GHR: variants seen among roughly 807,000 people sequenced by gnomAD.
GHR encodes the protein GH receptor.
Under a neutral mutation model 67.1 loss-of-function variants are expected in GHR, and 35 were observed. The observed-to-expected ratio is 0.52, with a 90% CI of 0.40 to 0.69. The LOEUF is 0.69. Among genes scored for constraint, GHR ranks in the 30% least tolerant of loss-of-function variants. The pLI is 0.00. For missense variants in GHR, 792 were observed against 764.6 expected (o/e 1.04, Z -0.42); for synonymous variants, 272 against 269.1 (o/e 1.01, Z -0.10).
At chr5:42,536,890 A>G (rs539325038) in intron 1 of GHR, among the ~76,000 whole-genome samples, 25 of 151,944 alleles carry the variant, frequency 1.6e-4, no homozygotes, top group Non-Finnish European at 3.4e-4. Flanking sequence ...TTAAGCTAGG[A>G]GAGTTGTATT....
intron 1 of GHR, among the ~76,000 whole-genome samples, chr5:42,450,387 C>T (rs1743995359): frequency 6.6e-6 from 1 of 152,084 alleles, no homozygotes; most frequent in Non-Finnish European, 1.5e-5. Flanking sequence ...TGTCCATCTC[C>T]TCTAGATTTT....
intron 1 of GHR, among the ~76,000 whole-genome samples, chr5:42,458,108 A>G (rs1744335448): frequency 6.6e-6 from 1 of 152,224 alleles, no homozygotes; most frequent in Non-Finnish European, 1.5e-5. Context: ...CTATCCATAG[A>G]GATTTTTCCA....
chr5:42,492,291 A>C (rs1412208175), intron 1 of GHR, among the ~76,000 whole-genome samples: 1 of 152,214 alleles, frequency 6.6e-6, no homozygotes, highest in Non-Finnish European at 1.5e-5. Context: ...GCTAATACTG[A>C]GGAATGAGAA....
intron 1 of GHR, among the ~76,000 whole-genome samples, chr5:42,461,676 C>T (rs569627769): frequency 2.2e-4 from 33 of 152,326 alleles, no homozygotes; most frequent in African/African-American, 7.5e-4. Context: ...TTATCTTCCT[C>T]CCAATAGTCT....
At chr5:42,689,639 T>C (rs1272232038) in intron 4 of GHR, among the ~76,000 whole-genome samples, 1 of 151,962 alleles carries the variant, frequency 6.6e-6, no homozygotes, top group African/African-American at 2.4e-5. Flanking sequence ...CTTGGCATAT[T>C]TGAGGGATGA....
chr5:42,692,036 C>G (rs75395351), intron 4 of GHR, among the ~76,000 whole-genome samples: 2 of 152,168 alleles, frequency 1.3e-5, no homozygotes, highest in Non-Finnish European at 2.9e-5. Context: ...CTCTTCCATA[C>G]CCATTCAACC....
At position 42,552,846 on chromosome 5, in the gene GHR, T is replaced by C. The variant is rs1749108207; in HGVS notation, c.-11-13018T>C. Among the ~76,000 whole-genome samples, 10 of 152,308 alleles carry C rather than the reference T, an allele frequency of 6.6e-5. No homozygotes were observed. The South Asian group carries it at 2.1e-3, about 32-fold the overall frequency. On this transcript the variant is annotated intron_variant, in intron 1 of 9. Coordinates refer to ENST00000230882, the MANE Select transcript of GHR (RefSeq NM_000163.5). ...GCTTTGAGAAATTATTGCACCTGTC[T>C]CTGTGTTGGGACATTTTTTTGGTCC... is the stretch of plus-strand genomic sequence containing the variant.
intron 8 of GHR, 138 bp from the exon 9 acceptor site, chr5:42,717,914 C>T (rs1024544320): frequency 3.4e-6 from 2 of 595,926 alleles, no homozygotes; most frequent in Non-Finnish European, 6.1e-6. Context: ...TCTTCTGTTT[C>T]TCACACTCCA....
intron 3 of GHR, among the ~76,000 whole-genome samples, chr5:42,670,158 T>A (rs576293325): frequency 6.6e-6 from 1 of 152,326 alleles, no homozygotes; most frequent in East Asian, 1.9e-4. Flanking sequence ...AGCATGCTAC[T>A]GGCATTAAAA....
At chr5:42,579,197 T>TAGATAGAC (rs1360691114) in intron 2 of GHR, among the ~76,000 whole-genome samples, 4 of 145,688 alleles carry the variant, frequency 2.7e-5, no homozygotes, top group South Asian at 2.3e-4. Flanking sequence ...GATAGATAGA[T>TAGATAGAC]AGACAGATAG....
chr5:42,466,959 A>T (rs1744758569), intron 1 of GHR: 5 of 1,551,572 alleles, frequency 3.2e-6, no homozygotes, highest in Non-Finnish European at 4.3e-6. Flanking sequence ...CACACTTCTT[A>T]TATTCATAGG....
chr5:42,601,459 A>G (rs972347158), intron 2 of GHR, among the ~76,000 whole-genome samples: 3 of 152,030 alleles, frequency 2.0e-5, no homozygotes, highest in Non-Finnish European at 4.4e-5. Flanking sequence ...ATCTCACTCC[A>G]TTGTTTTAAG....
chr5:42,579,227 A>C (rs1468117209), intron 2 of GHR, among the ~76,000 whole-genome samples: 1 of 152,054 alleles, frequency 6.6e-6, no homozygotes, highest in East Asian at 1.9e-4. Flanking sequence ...ATTCTGCCTA[A>C]GTAATTATCT....
At chr5:42,622,883 C>T (rs935106998) in intron 2 of GHR, among the ~76,000 whole-genome samples, 1 of 152,052 alleles carries the variant, frequency 6.6e-6, no homozygotes, top group Non-Finnish European at 1.5e-5. Flanking sequence ...GCCAAACACC[C>T]TTAAAGAACA....
At chr5:42,443,511 A>C (rs1452627553) in intron 1 of GHR, among the ~76,000 whole-genome samples, 1 of 152,182 alleles carries the variant, frequency 6.6e-6, no homozygotes. Context: ...TTTTTAGAGA[A>C]GATGATCACA....
chr5:42,474,281 A>AAAAG lies in GHR; in HGVS notation c.-12+50327_-12+50328insAAGA, dbSNP rs1448449553. Among the ~76,000 whole-genome samples the AAAAG allele has an allele frequency of 8.7e-3, 1,039 of 119,488 alleles. 22 individuals are homozygous for AAAAG. The highest frequency in any genetic ancestry group is 0.059 in the East Asian group (242 of 4,136). The allele number at this position is 119,488 out of a possible 152,430, so 78.4% of individuals were successfully genotyped here. A position where few individuals can be genotyped will look rare whatever the true frequency, so the allele number is the denominator to read the frequency against. On this transcript the variant is annotated intron_variant, in intron 1 of 9. Coordinates refer to ENST00000230882, the MANE Select transcript of GHR (RefSeq NM_000163.5). ...ACAGAAAGAAAGAAAGAAAGAAAGA[A>AAAAG]AGAAAAAGAGAAAGAGAAAGAAAGA...
intron 1 of GHR, chr5:42,467,137 G>A (rs1744766839): frequency 6.2e-7 from 1 of 1,600,040 alleles, no homozygotes; most frequent in Non-Finnish European, 8.6e-7. Flanking sequence ...ACACACAAAA[G>A]GAAGATCTCC....
Position 42,545,633 on chromosome 5 carries a change from C to T in GHR, c.-11-20231C>T, listed in dbSNP as rs188253300. ...TCTTGATGTAAATATGAAGTGTCTG[C>T]GCTTGAAATTCTGTTTGAAGTGGAA... is the stretch of plus-strand genomic sequence containing the variant. On this transcript the variant is annotated intron_variant, in intron 1 of 9. Transcript: ENST00000230882. 4.1e-3 allele frequency among the ~76,000 whole-genome samples: 631 copies of T among 152,222 alleles called. 1 individual carries two copies. Among genetic ancestry groups the T allele is most frequent in the Non-Finnish European group, 6.1e-3 (415 of 68,000 alleles).
chr5:42,621,299 C>A (rs1163803179), intron 2 of GHR, among the ~76,000 whole-genome samples: 1 of 152,114 alleles, frequency 6.6e-6, no homozygotes, highest in African/African-American at 2.4e-5. Flanking sequence ...TTTGTGAAAA[C>A]ACCACCACCA....
Sources: gnomAD v4.1 joint callset for allele counts (sites outside exome capture counted in the v4.1 genomes callset) on GRCh38, gnomAD v4.1.1 for gene constraint, MANE v1.5 for transcripts, NCBI Gene and HGNC (gene_info 2026-07-23, HGNC 2026-07-21) for gene names.